TTC39A: variants seen among roughly 807,000 people sequenced by gnomAD.
TTC39A encodes tetratricopeptide repeat domain 39A.
Under a neutral mutation model 82.3 loss-of-function variants are expected in TTC39A, and 46 were observed. That is an observed-to-expected ratio of 0.56 (90% confidence interval 0.44 to 0.71). TTC39A has a LOEUF of 0.71. TTC39A is among the 30% of genes least tolerant of loss of function. The pLI is 0.00. For synonymous variants in TTC39A, 254 were observed against 275.2 expected, an observed-to-expected ratio of 0.92 and a Z score of 0.76; for missense variants, 543 against 712.9, an observed-to-expected ratio of 0.76 and a Z score of 2.71.
In TTC39A at chr1:51,321,409, G is replaced by A. The variant is rs1328647862; in HGVS notation, c.146+312C>T. Among the ~76,000 whole-genome samples the A allele has an allele frequency of 6.6e-6, 1 of 152,160 alleles. No individual in the cohort carries two copies. The highest frequency in any genetic ancestry group is 2.4e-5 in the African/African-American group (1 of 41,436). On this transcript the variant is annotated intron_variant, in intron 2 of 17. Transcript: ENST00000680483. This position sits in a 1 kb window ranked among gnomAD's most constrained non-coding sequence, Gnocchi z 4.6. ...CAACCTAAGTCTTTAGTGCTTTGGG[G>A]AAAAATAAACAAAGGAGTCATGTGA...
At position 51,312,204 on chromosome 1, in the gene TTC39A, G is replaced by GA. The variant is rs774460598; in HGVS notation, c.279-10dup. ...AAGACTTCCTCCGGTGCCTGAAGAG[G>GA]AAAAAGAGGGGCCTCAGGTGAGGAT... On this transcript the variant is annotated splice_polypyrimidine_tract_variant and intron_variant, in intron 3 of 17. Transcript: ENST00000680483. 15 of 1,599,922 alleles carry GA rather than the reference G, an allele frequency of 9.4e-6. No individual in the cohort carries two copies. The highest frequency in any genetic ancestry group is 1.3e-5 in the Non-Finnish European group (15 of 1,173,284).
In TTC39A at chr1:51,330,295, AGGGGCCGGGCGGGGTG is replaced by A; in HGVS notation, c.41+126_41+141del. On this transcript the variant is annotated intron_variant, in intron 1 of 17. Coordinates refer to ENST00000680483, the MANE Select transcript of TTC39A (RefSeq NM_001297663.2). The surrounding 1 kb of genome is among the most constrained non-coding windows in gnomAD (Gnocchi z 4.5). Reference sequence around the variant, plus strand: ...ACTCCTGGCAGCGGCGGCGGCTGCCAGGGGCCGGGCGGGGTGGGGGCTGGAAGCCGCAGTGCGGCCC... The same window carrying A: ...ACTCCTGGCAGCGGCGGCGGCTGCCAGGGGCTGGAAGCCGCAGTGCGGCCC... 1 of 939,968 alleles carries A rather than the reference AGGGGCCGGGCGGGGTG, an allele frequency of 1.1e-6. No homozygotes were observed. The highest frequency in any genetic ancestry group is 1.3e-6 in the Non-Finnish European group (1 of 789,286). The allele number at this position is 939,968 out of a possible 1,614,324, so 58.2% of individuals were successfully genotyped here.
intron 8 of TTC39A, among the ~76,000 whole-genome samples, chr1:51,304,790 T>C (rs1428580748): frequency 6.6e-6 from 1 of 152,176 alleles, no homozygotes; most frequent in Non-Finnish European, 1.5e-5. Context: ...CCCTGACACC[T>C]GTCAGGCTCA....
Position 51,321,900 on chromosome 1 carries a change from A to T in TTC39A, c.42-75T>A. On this transcript the variant is annotated intron_variant, in intron 1 of 17. Coordinates refer to ENST00000680483, the MANE Select transcript of TTC39A (RefSeq NM_001297663.2). This position sits in a 1 kb window ranked among gnomAD's most constrained non-coding sequence, Gnocchi z 4.6. ...CCTCTCCTGGCTGGAACAGAGCCTC[A>T]CAGGGTCTACTCAGCCTCCCTGGCC... is the stretch of plus-strand genomic sequence containing the variant. The T allele has an allele frequency of 6.9e-7, 1 of 1,441,726 alleles. No homozygotes were observed. 89.3% of individuals were successfully genotyped at this position (1,441,726 alleles called of 1,614,324 possible).
chr1:51,321,934 G>A lies in TTC39A; in HGVS notation c.42-109C>T. On this transcript the variant is annotated intron_variant, in intron 1 of 17. Transcript: ENST00000680483. The surrounding 1 kb of genome is among the most constrained non-coding windows in gnomAD (Gnocchi z 4.6). ...ACTCAGCCTCCCTGGCCAGCCTTGGGTGCCTGTCACGAGCTCCTCCAGGCT... is the reference window on the plus strand; with the variant it reads ...ACTCAGCCTCCCTGGCCAGCCTTGGATGCCTGTCACGAGCTCCTCCAGGCT... 1 of 1,345,514 alleles carries A rather than the reference G, an allele frequency of 7.4e-7. No individual in the cohort carries two copies. The highest frequency in any genetic ancestry group is 1.0e-6 in the Non-Finnish European group (1 of 970,642). 83.3% of individuals were successfully genotyped at this position (1,345,514 alleles called of 1,614,324 possible).
upstream of TTC39A, among the ~76,000 whole-genome samples, chr1:51,334,216 A>G (rs1369144530): frequency 6.7e-6 from 1 of 150,304 alleles, no homozygotes. Context: ...AAAAAAAAAA[A>G]GGCCAGGCCA....
At chr1:51,332,825 A>T (rs770170356), upstream of TTC39A, among the ~76,000 whole-genome samples, 32 of 152,380 alleles carry the variant, frequency 2.1e-4, no homozygotes, top group Non-Finnish European at 3.8e-4. Context: ...GATTGTCCAC[A>T]TGGATGGCTG....
At chr1:51,339,879 T>C (rs1252686483) in intron 1 of TTC39A, among the ~76,000 whole-genome samples, 1 of 152,150 alleles carries the variant, frequency 6.6e-6, no homozygotes, top group Non-Finnish European at 1.5e-5. Context: ...GAGTGACAGT[T>C]TGCATCCCCC....
At chr1:51,312,737 T>A in intron 3 of TTC39A, 75 bp downstream of exon 3, 2 of 1,563,578 alleles carry the variant, frequency 1.3e-6, no homozygotes, top group South Asian at 2.4e-5. Flanking sequence ...AGTGGCATGT[T>A]AGGCCCTGGA....
chr1:51,322,064 G>T (rs1645546182), intron 1 of TTC39A: 5 of 1,538,770 alleles, frequency 3.2e-6, no homozygotes, highest in Admixed American at 2.0e-5. Flanking sequence ...TGTTGGAGGT[G>T]GGGGAGGGGC....
At chr1:51,344,596 G>A (rs2148325947) in intron 1 of TTC39A, among the ~76,000 whole-genome samples, 1 of 152,336 alleles carries the variant, frequency 6.6e-6, no homozygotes, top group African/African-American at 2.4e-5. Context: ...GGCACACAGC[G>A]TGCCCACACT....
intron 1 of TTC39A, among the ~76,000 whole-genome samples, chr1:51,327,010 G>A (rs1049430441): frequency 6.6e-6 from 1 of 152,200 alleles, no homozygotes; most frequent in African/African-American, 2.4e-5. Context: ...AGGCCCAAAC[G>A]AGAAGGGAGC....
At chr1:51,306,674 C>T (rs566513146) in intron 6 of TTC39A, among the ~76,000 whole-genome samples, 1 of 152,342 alleles carries the variant, frequency 6.6e-6, no homozygotes, top group South Asian at 2.1e-4. Context: ...GCCCCTAGCC[C>T]AGCCACCTGG....
At chr1:51,312,234 G>GA in intron 3 of TTC39A, 39 bp from the exon 4 acceptor site, 1 of 1,558,644 alleles carries the variant, frequency 6.4e-7, no homozygotes, top group South Asian at 1.2e-5. Context: ...GAGGATTAGA[G>GA]AGAGGCCACA....
chr1:51,315,495 A>G (rs1193384678), intron 2 of TTC39A, among the ~76,000 whole-genome samples: 1 of 152,156 alleles, frequency 6.6e-6, no homozygotes, highest in African/African-American at 2.4e-5. Flanking sequence ...TAGGGAGGGC[A>G]CTGGAAGGCA....
intron 11 of TTC39A, chr1:51,302,085 G>GCACCTTCCTC: frequency 1.4e-6 from 1 of 720,266 alleles, no homozygotes; most frequent in South Asian, 1.5e-5. Flanking sequence ...CCTCCCTCAA[G>GCACCTTCCTC]CACCTCCCTC....
chr1:51,288,406 G>A lies in TTC39A; in HGVS notation c.1611-126C>T, dbSNP rs372236639. 62 of 1,472,580 alleles carry A rather than the reference G, an allele frequency of 4.2e-5. No homozygotes were observed. The East Asian group carries it at 1.1e-3, about 27-fold the overall frequency. The allele number at this position is 1,472,580 out of a possible 1,614,324, so 91.2% of individuals were successfully genotyped here. ...GTAGAGAAATTAATGTGTCCAGAGA[G>A]AGTTGAGCCCTACCCAATGGGAGAG... On this transcript the variant is annotated intron_variant, in intron 17 of 17. Transcript: ENST00000680483. The surrounding 1 kb of genome is among the most constrained non-coding windows in gnomAD (Gnocchi z 4.8).
Position 51,343,705 on chromosome 1 carries a change from A to G in TTC39A, c.53+1286T>C, listed in dbSNP as rs146847179. ...GTGCTGGCCCAGCACACAAGTGCTC[A>G]ACAATGTGTGCTGAAAGGCTGAATG... On this transcript the variant is annotated intron_variant, in intron 1 of 5. Coordinates refer to the TTC39A transcript ENST00000401051. 5.6e-3 allele frequency among the ~76,000 whole-genome samples: 848 copies of G among 152,324 alleles called. 4 individuals carry two copies. The highest frequency in any genetic ancestry group is 0.018 in the African/African-American group (769 of 41,568).
At chr1:51,307,071 T>C (rs1332690197) in intron 6 of TTC39A, among the ~76,000 whole-genome samples, 1 of 152,028 alleles carries the variant, frequency 6.6e-6, no homozygotes, top group Non-Finnish European at 1.5e-5. Context: ...CCTTGGCATA[T>C]TTGAAGAACT....
Sources: gnomAD v4.1 joint callset for allele counts (sites outside exome capture counted in the v4.1 genomes callset) on GRCh38, gnomAD v4.1.1 for gene constraint, Gnocchi (gnomAD v3.1) non-coding constraint, MANE v1.5 for transcripts, NCBI Gene and HGNC (gene_info 2026-07-23, HGNC 2026-07-21) for gene names.